Variants in NAALADL2 observed in about 807,000 individuals in gnomAD.
NAALADL2 encodes N-acetylated alpha-linked acidic dipeptidase like 2.
In NAALADL2, 76 loss-of-function variants were observed where a neutral mutation model predicts 87.2. The ratio of observed to expected loss-of-function variants is 0.87; its 90% confidence interval spans 0.72 to 1.05. The LOEUF (loss-of-function observed/expected upper bound fraction) is 1.05. Ranked by LOEUF, NAALADL2 falls within the 50% of genes least tolerant of loss-of-function variation. NAALADL2 has a pLI of 0.00. For synonymous variants in NAALADL2, 354 were observed against 331.0 expected (o/e 1.07, Z -0.75); for missense variants, 1,089 against 945.8 (o/e 1.15, Z -1.99).
chr3:175,669,170 AG>A (rs376859754), intron 11 of NAALADL2, among the ~76,000 whole-genome samples: 57 of 151,968 alleles, frequency 3.8e-4, no homozygotes, highest in African/African-American at 7.5e-4. Flanking sequence ...GGAAAAGTGC[AG>A]CCCAAACAAA....
At chr3:175,323,657 GA>G (rs1296525608) in intron 4 of NAALADL2, among the ~76,000 whole-genome samples, 1 of 138,284 alleles carries the variant, frequency 7.2e-6, no homozygotes, top group Non-Finnish European at 1.5e-5. Flanking sequence ...AGAAAAACCG[GA>G]GGAAAAAAAA....
chr3:175,056,120 G>A (rs1001606807), intron 1 of NAALADL2, among the ~76,000 whole-genome samples: 16 of 152,148 alleles, frequency 1.1e-4, no homozygotes, highest in African/African-American at 3.6e-4. Context: ...TTTGCCCAGT[G>A]TCCTCCGGAA....
intron 5 of NAALADL2, among the ~76,000 whole-genome samples, chr3:175,417,587 T>C (rs1344763158): frequency 6.6e-6 from 1 of 152,066 alleles, no homozygotes; most frequent in Non-Finnish European, 1.5e-5. Flanking sequence ...ACCAATTAGC[T>C]CTCCACATCC....
intron 4 of NAALADL2, among the ~76,000 whole-genome samples, chr3:175,316,990 C>T (rs1759224809): frequency 6.6e-6 from 1 of 152,114 alleles, no homozygotes; most frequent in African/African-American, 2.4e-5. Context: ...CATCTCAGGT[C>T]AAACCATTGC....
intron 2 of NAALADL2, among the ~76,000 whole-genome samples, chr3:174,558,646 C>A (rs1713170345): frequency 6.6e-6 from 1 of 152,130 alleles, no homozygotes; most frequent in East Asian, 1.9e-4. Flanking sequence ...AAGCTCAGGC[C>A]ATAATGCCAG....
chr3:175,143,398 T>C (rs572557292), intron 2 of NAALADL2, among the ~76,000 whole-genome samples: 3 of 152,040 alleles, frequency 2.0e-5, no homozygotes, highest in South Asian at 4.1e-4. Context: ...TAAATTGAGA[T>C]GCTTTGTGTC....
intron 2 of NAALADL2, among the ~76,000 whole-genome samples, chr3:175,204,204 C>T (rs2109186493): frequency 6.6e-6 from 1 of 152,256 alleles, no homozygotes; most frequent in African/African-American, 2.4e-5. Context: ...TAACAAAATG[C>T]TAGCTAACCA....
chr3:175,308,472 C>G (rs970376983), intron 4 of NAALADL2, among the ~76,000 whole-genome samples: 9 of 152,102 alleles, frequency 5.9e-5, no homozygotes, highest in African/African-American at 2.2e-4. Flanking sequence ...CCTAAGTCAC[C>G]TGGGATATAG....
chr3:175,225,719 C>G (rs1340467967), intron 2 of NAALADL2, among the ~76,000 whole-genome samples: 1 of 151,870 alleles, frequency 6.6e-6, no homozygotes, highest in East Asian at 1.9e-4. Context: ...CTCTTTTTAT[C>G]AAAAGTTTCT....
intron 5 of NAALADL2, among the ~76,000 whole-genome samples, chr3:175,384,372 G>A (rs1581673030): frequency 3.3e-5 from 5 of 151,946 alleles, no homozygotes; most frequent in Non-Finnish European, 5.9e-5. Context: ...ACTTTTCTTG[G>A]AATGTTATAT....
intron 2 of NAALADL2, among the ~76,000 whole-genome samples, chr3:174,715,710 A>G (rs944968634): frequency 5.9e-5 from 9 of 152,156 alleles, no homozygotes; most frequent in South Asian, 2.1e-4. Flanking sequence ...GTCTTTCCCA[A>G]TCCTTTAAGG....
In NAALADL2 at chr3:174,859,440, G is replaced by A. The variant is rs370556147; in HGVS notation, c.33G>A (p.Thr11=). 7.0e-5 allele frequency: 112 copies of A among 1,610,540 alleles called. 2 individuals carry two copies. The South Asian group carries it at 7.2e-4, about 10-fold the overall frequency. The change falls in exon 1 of 14, where the codon ACG becomes ACA. Residue 11 remains threonine (T), a synonymous_variant. Coordinates refer to ENST00000454872, the MANE Select transcript of NAALADL2 (RefSeq NM_207015.3). ...AGAATGAAGCAAGTTTACCTAACAC[G>A]TCTTTGCAAGGTAAGTACCAACAGC... The part of the protein sequence containing the change: MGENEASLPN[T]SLQGKKMAYQ...
intron 2 of NAALADL2, among the ~76,000 whole-genome samples, chr3:174,698,363 G>T (rs1329472629): frequency 1.3e-5 from 2 of 151,778 alleles, no homozygotes; most frequent in African/African-American, 2.4e-5. Context: ...AATTTTACTG[G>T]TTCTATGATT....
chr3:175,154,994 G>T (rs1462424229), intron 2 of NAALADL2, among the ~76,000 whole-genome samples: 1 of 152,140 alleles, frequency 6.6e-6, no homozygotes, highest in Non-Finnish European at 1.5e-5. Context: ...GAAGGTGTGT[G>T]AAAAAGTGAA....
chr3:174,940,665 G>C, intron 1 of NAALADL2, among the ~76,000 whole-genome samples: 1 of 151,944 alleles, frequency 6.6e-6, no homozygotes, highest in Non-Finnish European at 1.5e-5. Flanking sequence ...TGGTTGGTAG[G>C]CTATTTATTA....
At chr3:175,687,518 G>T (rs1053275930) in intron 11 of NAALADL2, among the ~76,000 whole-genome samples, 11 of 152,178 alleles carry the variant, frequency 7.2e-5, no homozygotes, top group African/African-American at 2.7e-4. Context: ...ATATGGAGGA[G>T]TTAGTGGTGA....
chr3:175,137,868 C>T (rs546340314), intron 2 of NAALADL2, among the ~76,000 whole-genome samples: 1 of 152,216 alleles, frequency 6.6e-6, no homozygotes, highest in South Asian at 2.1e-4. Context: ...AGATGATCCA[C>T]CTGCCTCGGC....
intron 5 of NAALADL2, among the ~76,000 whole-genome samples, chr3:175,379,304 T>A (rs1767516627): frequency 6.6e-6 from 1 of 152,066 alleles, no homozygotes; most frequent in Admixed American, 6.6e-5. Flanking sequence ...TAGGACAGCA[T>A]CTGCTACATA....
chr3:174,890,168 A>G lies in NAALADL2; in HGVS notation c.43+30718A>G, dbSNP rs1354331068. Among the ~76,000 whole-genome samples the G allele has an allele frequency of 4.8e-5, 7 of 144,396 alleles. No homozygotes were observed. In the Admixed American group the frequency reaches 5.0e-4, roughly 10 times the overall value. 94.7% of individuals were successfully genotyped at this position (144,396 alleles called of 152,430 possible). A position where few individuals can be genotyped will look rare whatever the true frequency, so the allele number is the denominator to read the frequency against. ...TCATAATATCTTAATGAAATAGATT[A>G]TGTATAGTAATAAAGAAAAAGAAAT... is the stretch of plus-strand genomic sequence containing the variant. On this transcript the variant is annotated intron_variant, in intron 1 of 13. Transcript: ENST00000454872.
Sources: allele counts gnomAD v4.1 joint callset (sites outside exome capture counted in the v4.1 genomes callset), GRCh38; gene constraint gnomAD v4.1.1; transcripts MANE v1.5; gene names NCBI Gene and HGNC (gene_info 2026-07-23, HGNC 2026-07-21).